The following IFT57 variants were observed in gnomAD, a reference collection of about 807,000 sequenced individuals.
The protein encoded by IFT57 is intraflagellar transport 57.
IFT57 carries 59 observed loss-of-function variants against 56.8 expected under a neutral mutation model. The observed-to-expected ratio is 1.04, with a 90% CI of 0.84 to 1.29. The LOEUF is 1.29. Among genes scored for constraint, IFT57 ranks in the 50% most tolerant of loss-of-function variants. The probability of loss-of-function intolerance (pLI) is 0.00; values close to 1 mark genes in which losing one functional copy is unlikely to be tolerated. For missense variants in IFT57, 470 were observed against 522.1 expected (o/e 0.90, Z 0.97); for synonymous variants, 209 against 186.1 (o/e 1.12, Z -1.00).
chr3:108,213,020 A>G (rs559215924), intron 4 of IFT57, among the ~76,000 whole-genome samples: 1 of 152,268 alleles, frequency 6.6e-6, no homozygotes, highest in African/African-American at 2.4e-5. Context: ...TTTTATGATT[A>G]TCTACTTCCA....
chr3:108,178,141 A>G (rs2080133778), intron 6 of IFT57, among the ~76,000 whole-genome samples: 4 of 151,920 alleles, frequency 2.6e-5, no homozygotes, highest in Admixed American at 2.6e-4. Context: ...ACAGACTCAC[A>G]CATACATGCT....
At chr3:108,192,680 A>G (rs1336016641) in intron 5 of IFT57, among the ~76,000 whole-genome samples, 4 of 152,056 alleles carry the variant, frequency 2.6e-5, no homozygotes, top group Non-Finnish European at 4.4e-5. Flanking sequence ...AAAAGATACT[A>G]AAGGGATATA....
At chr3:108,192,761 C>T (rs9833455) in intron 5 of IFT57, among the ~76,000 whole-genome samples, 14,634 of 151,824 alleles carry the variant, frequency 0.096, 764 homozygotes, top group Middle Eastern at 0.12. Flanking sequence ...ATTTTTGAGA[C>T]AATCAGTGAA....
At position 108,161,857 on chromosome 3, in the gene IFT57, TTCATTTA is replaced by T. The variant is rs2080034327; in HGVS notation, c.*613_*619del. The stretch of plus-strand genomic sequence containing the variant: ...AACATGAGTGACTGACTTATCATCA[TTCATTTA>T]TCCTTTTATTTAGTGGCTTAGATCC... On this transcript the variant is annotated 3_prime_UTR_variant, in exon 11 of 11. Transcript: ENST00000264538. 6.6e-6 allele frequency: 1 copy of T among 152,228 alleles called. No homozygotes were observed. The highest frequency in any genetic ancestry group is 2.4e-5 in the African/African-American group (1 of 41,480). The allele number at this position is 152,228 out of a possible 1,614,324, so 9.4% of individuals were successfully genotyped here. A position where few individuals can be genotyped will look rare whatever the true frequency, so the allele number is the denominator to read the frequency against.
chr3:108,205,171 T>C (rs1288819165), intron 5 of IFT57, among the ~76,000 whole-genome samples: 3 of 152,226 alleles, frequency 2.0e-5, no homozygotes, highest in South Asian at 4.2e-4. Flanking sequence ...CGGGGAAATA[T>C]GGAGGAAAGA....
chr3:108,166,748 T>G, intron 8 of IFT57, 106 bp downstream of exon 8: 2 of 909,440 alleles, frequency 2.2e-6, no homozygotes, highest in Non-Finnish European at 3.1e-6. Flanking sequence ...GATGTTTTGC[T>G]GTTCATGAAA....
At chr3:108,177,191 T>G (rs2080128830) in intron 6 of IFT57, among the ~76,000 whole-genome samples, 1 of 151,816 alleles carries the variant, frequency 6.6e-6, no homozygotes, top group East Asian at 1.9e-4. Context: ...AAAAATGAAT[T>G]GAAAACATTC....
At chr3:108,210,081 T>C (rs773440417) in intron 4 of IFT57, among the ~76,000 whole-genome samples, 1 of 152,162 alleles carries the variant, frequency 6.6e-6, no homozygotes, top group Non-Finnish European at 1.5e-5. Context: ...TAGAATACAA[T>C]AGGATTCTAA....
chr3:108,188,455 ATCTAAAGAAGAAT>A (rs1468262961), intron 6 of IFT57, among the ~76,000 whole-genome samples: 17 of 152,218 alleles, frequency 1.1e-4, no homozygotes, highest in Middle Eastern at 3.2e-3. Flanking sequence ...AGATCAAACT[ATCTAAAGAAGAAT>A]TCTAAAAAAG....
intron 5 of IFT57, among the ~76,000 whole-genome samples, chr3:108,204,174 A>G (rs1233199872): frequency 6.6e-6 from 1 of 152,174 alleles, no homozygotes; most frequent in East Asian, 1.9e-4. Context: ...GGGCAATATC[A>G]TGAGCTTGCC....
At chr3:108,186,321 C>A (rs368986112) in intron 6 of IFT57, among the ~76,000 whole-genome samples, 435 of 139,892 alleles carry the variant, frequency 3.1e-3, no homozygotes, top group Non-Finnish European at 3.5e-3. Context: ...GTGGCTATGC[C>A]AAAAAAAAAA....
At position 108,191,455 on chromosome 3, in the gene IFT57, C is replaced by T. The variant is rs535209714; in HGVS notation, c.777+66G>A. ...TAATAATTTTTATAATTGGGAGTAC[C>T]CCTAACCCTGAAGTTTCCTTATAAC... On this transcript the variant is annotated intron_variant, in intron 6 of 10. Coordinates refer to ENST00000264538, the MANE Select transcript of IFT57 (RefSeq NM_018010.4). 1.4e-4 allele frequency: 157 copies of T among 1,160,174 alleles called. 1 individual carries two copies. The South Asian group carries it at 2.4e-3, about 18-fold the overall frequency. The allele number at this position is 1,160,174 out of a possible 1,614,324, so 71.9% of individuals were successfully genotyped here.
chr3:108,175,760 C>T (rs937603360), intron 6 of IFT57, among the ~76,000 whole-genome samples: 12 of 151,096 alleles, frequency 7.9e-5, no homozygotes, highest in African/African-American at 2.4e-4. Context: ...ATCTATGTAT[C>T]GGTTTCATTA....
At position 108,167,832 on chromosome 3, in the gene IFT57, C is replaced by T. The variant is rs146902593; in HGVS notation, c.810G>A (p.Gln270=). 3.1e-5 allele frequency: 49 copies of T among 1,591,306 alleles called. No homozygotes were observed. The African/African-American group carries it at 5.3e-4, about 17-fold the overall frequency. ...DWRIHVDQMH[Q]HRSGIESALK... is the part of the protein sequence containing the mutation. ...GAGCAGATTCAATTCCACTTCTGTGCTGGTGCATTTGGTCAACATGGATTC... is the reference window on the plus strand; with the variant it reads ...GAGCAGATTCAATTCCACTTCTGTGTTGGTGCATTTGGTCAACATGGATTC... The change falls in exon 7 of 11, where the codon CAG becomes CAA. Residue 270 remains glutamine, a synonymous_variant. Coordinates refer to ENST00000264538, the MANE Select transcript of IFT57 (RefSeq NM_018010.4).
chr3:108,213,632 C>T (rs1187253737), intron 4 of IFT57, among the ~76,000 whole-genome samples: 1 of 152,122 alleles, frequency 6.6e-6, no homozygotes, highest in Non-Finnish European at 1.5e-5. Flanking sequence ...CTTTATTAGT[C>T]ACAGTCTATT....
intron 5 of IFT57, among the ~76,000 whole-genome samples, chr3:108,205,082 C>T (rs1215470903): frequency 6.6e-6 from 1 of 151,898 alleles, no homozygotes; most frequent in Non-Finnish European, 1.5e-5. Flanking sequence ...TTATTCAGTA[C>T]CTTCTGTGTT....
intron 5 of IFT57, among the ~76,000 whole-genome samples, chr3:108,203,643 T>C (rs1308166234): frequency 6.6e-6 from 1 of 152,218 alleles, no homozygotes; most frequent in Non-Finnish European, 1.5e-5. Context: ...CATGTATTCA[T>C]ACAATATTAT....
intron 6 of IFT57, among the ~76,000 whole-genome samples, chr3:108,181,553 G>A (rs1416754145): frequency 6.6e-6 from 1 of 152,048 alleles, no homozygotes; most frequent in Non-Finnish European, 1.5e-5. Flanking sequence ...AATCATACAA[G>A]CTGCTCTAAA....
chr3:108,220,758 A>C (rs2080401971), intron 1 of IFT57, among the ~76,000 whole-genome samples: 1 of 152,126 alleles, frequency 6.6e-6, no homozygotes. Flanking sequence ...TAGACCTGGG[A>C]AAGGGCCTGA....
Sources: gnomAD v4.1 joint callset for allele counts (sites outside exome capture counted in the v4.1 genomes callset) on GRCh38, gnomAD v4.1.1 for gene constraint, MANE v1.5 for transcripts, NCBI Gene and HGNC (gene_info 2026-07-23, HGNC 2026-07-21) for gene names.